FAM184A: variants seen among roughly 807,000 people sequenced by gnomAD.
The protein encoded by FAM184A is family with sequence similarity 184 member A.
FAM184A carries 99 observed loss-of-function variants against 143.8 expected under a neutral mutation model. That is an observed-to-expected ratio of 0.69 (90% CI 0.58 to 0.81). FAM184A has a LOEUF of 0.81. Among genes scored for constraint, FAM184A ranks in the 40% least tolerant of loss-of-function variants. FAM184A has a pLI of 0.00. For missense variants in FAM184A, 1,217 were observed against 1,310.5 expected, an observed-to-expected ratio of 0.93 and a Z score of 1.10; for synonymous variants, 427 against 446.4, an observed-to-expected ratio of 0.96 and a Z score of 0.55.
rs1375021501 is a variant in FAM184A at position 118,979,522 on chromosome 6, G to A, written c.2302-4C>T. ...GTTGTAAATGATTTTCAAGAGCCTA[G>A]AACAAGACAAATTCAAATTATTATG... On this transcript the variant is annotated splice_polypyrimidine_tract_variant and splice_region_variant and intron_variant, in intron 10 of 17. Coordinates refer to ENST00000338891, the MANE Select transcript of FAM184A (RefSeq NM_024581.6). The A allele has an allele frequency of 1.3e-6, 2 of 1,589,338 alleles. No homozygotes were observed. The highest frequency in any genetic ancestry group is 1.9e-5 in the Admixed American group (1 of 53,736).
At chr6:119,118,527 C>T (rs1476365969) in intron 1 of FAM184A, among the ~76,000 whole-genome samples, 1 of 152,206 alleles carries the variant, frequency 6.6e-6, no homozygotes, top group Non-Finnish European at 1.5e-5. Context: ...GTGAAGATTT[C>T]ATTGACATTT....
intron 1 of FAM184A, among the ~76,000 whole-genome samples, chr6:119,130,263 G>T (rs1286965485): frequency 6.6e-6 from 1 of 152,152 alleles, no homozygotes; most frequent in Non-Finnish European, 1.5e-5. Flanking sequence ...TGAAATTTTA[G>T]GGAGCCCCCA....
chr6:119,116,052 G>A (rs1032912747), intron 1 of FAM184A, among the ~76,000 whole-genome samples: 1 of 151,710 alleles, frequency 6.6e-6, no homozygotes, highest in African/African-American at 2.4e-5. Flanking sequence ...ACTAGAGACT[G>A]TCTTGGGGCT....
At chr6:119,041,141 C>T (rs1786312700) in intron 1 of FAM184A, among the ~76,000 whole-genome samples, 1 of 152,114 alleles carries the variant, frequency 6.6e-6, no homozygotes, top group Admixed American at 6.6e-5. Flanking sequence ...TAAGAAAAGA[C>T]ATGATCATTT....
chr6:119,030,671 TA>T (rs1477790818), intron 1 of FAM184A, among the ~76,000 whole-genome samples: 1 of 151,998 alleles, frequency 6.6e-6, no homozygotes, highest in Non-Finnish European at 1.5e-5. Flanking sequence ...ACTTCCTTAT[TA>T]GTTGTATTAT....
At chr6:119,058,417 G>C (rs968160217) in intron 1 of FAM184A, among the ~76,000 whole-genome samples, 24 of 151,766 alleles carry the variant, frequency 1.6e-4, no homozygotes, top group Admixed American at 1.2e-3. Context: ...GGGCCAGGCT[G>C]GTCTCAAACT....
At chr6:118,971,101 A>G (rs933894326) in intron 14 of FAM184A, among the ~76,000 whole-genome samples, 1 of 152,228 alleles carries the variant, frequency 6.6e-6, no homozygotes, top group Non-Finnish European at 1.5e-5. Context: ...ACTCTTAAAT[A>G]AAGGAAATAT....
At chr6:119,057,061 T>C (rs1420174094) in intron 1 of FAM184A, among the ~76,000 whole-genome samples, 2 of 152,254 alleles carry the variant, frequency 1.3e-5, no homozygotes, top group Non-Finnish European at 2.9e-5. Context: ...ATAATTCACA[T>C]GCTTAGCATT....
At chr6:119,119,931 C>T (rs546305654) in intron 1 of FAM184A, among the ~76,000 whole-genome samples, 2 of 152,286 alleles carry the variant, frequency 1.3e-5, no homozygotes, top group Non-Finnish European at 2.9e-5. Context: ...CTGCAGTGAG[C>T]CATGATTGTG....
At chr6:119,082,312 G>C (rs1415512875), upstream of FAM184A, among the ~76,000 whole-genome samples, 1 of 152,090 alleles carries the variant, frequency 6.6e-6, no homozygotes, top group Non-Finnish European at 1.5e-5. Flanking sequence ...TTCCACCCCT[G>C]TTCCCTCCCA....
At chr6:118,996,604 G>C (rs1039984788) in intron 9 of FAM184A, among the ~76,000 whole-genome samples, 28 of 152,176 alleles carry the variant, frequency 1.8e-4, no homozygotes, top group Middle Eastern at 3.4e-3. Context: ...TTCAACATAG[G>C]TTCTTGCTTT....
intron 1 of FAM184A, among the ~76,000 whole-genome samples, chr6:119,086,022 G>T (rs1437191319): frequency 6.6e-6 from 1 of 152,214 alleles, no homozygotes; most frequent in East Asian, 1.9e-4. Flanking sequence ...CTACCAGGCT[G>T]CACCTCCAAC....
At chr6:119,122,557 G>A (rs1051571268) in intron 1 of FAM184A, among the ~76,000 whole-genome samples, 4 of 152,138 alleles carry the variant, frequency 2.6e-5, no homozygotes, top group Non-Finnish European at 5.9e-5. Flanking sequence ...TGTAAAAGGA[G>A]TCATGAATAT....
At chr6:119,016,276 A>G (rs542900523) in intron 5 of FAM184A, among the ~76,000 whole-genome samples, 18 of 152,256 alleles carry the variant, frequency 1.2e-4, no homozygotes, top group Admixed American at 7.2e-4. Context: ...GCCAGCATTG[A>G]CAACCCGCTC....
Position 118,964,698 on chromosome 6 carries a change from G to A in FAM184A, c.3107C>T (p.Pro1036Leu), listed in dbSNP as rs748888206. Residue 1036 changes from proline to leucine, a missense_variant, in exon 16 of 18, where the codon CCT becomes CTT. Physicochemically the swap from Pro to Leu is moderately conservative, Grantham distance 98 (BLOSUM62 -3). Coordinates refer to ENST00000338891, the MANE Select transcript of FAM184A (RefSeq NM_024581.6). ...CAATGGATTAATAACACCAACAGTA[G>A]GACTTGAGTTAAACACTTTGTTGAA... ...TNFNKVFNSS[P>L]TVGVINPLAK... The A allele has an allele frequency of 1.9e-6, 3 of 1,606,388 alleles. No homozygotes were observed. Among genetic ancestry groups the A allele is most frequent in the Non-Finnish European group, 2.6e-6 (3 of 1,174,164 alleles).
chr6:119,019,795 T>C (rs1451168540), intron 4 of FAM184A, among the ~76,000 whole-genome samples, 183 bp downstream of exon 4: 1 of 152,230 alleles, frequency 6.6e-6, no homozygotes, highest in Non-Finnish European at 1.5e-5. Flanking sequence ...ATTTTGAACA[T>C]ACATACAGCA....
At chr6:119,019,419 T>A (rs559329590) in intron 4 of FAM184A, among the ~76,000 whole-genome samples, 1 of 152,214 alleles carries the variant, frequency 6.6e-6, no homozygotes, top group Admixed American at 6.5e-5. Context: ...GCAAAGAGAA[T>A]AGATATTTTC....
chr6:119,006,935 A>G (rs1348410824), intron 6 of FAM184A, among the ~76,000 whole-genome samples: 2 of 152,206 alleles, frequency 1.3e-5, no homozygotes, highest in Non-Finnish European at 2.9e-5. Flanking sequence ...TAAAAGAGTA[A>G]AACAAAATTT....
At chr6:119,142,614 C>T (rs1772284875) in intron 1 of FAM184A, among the ~76,000 whole-genome samples, 1 of 152,176 alleles carries the variant, frequency 6.6e-6, no homozygotes, top group African/African-American at 2.4e-5. Flanking sequence ...AGAAGACAAA[C>T]AAGCTAAATG....
Sources: allele counts gnomAD v4.1 joint callset (sites outside exome capture counted in the v4.1 genomes callset), GRCh38; gene constraint gnomAD v4.1.1; transcripts MANE v1.5; gene names NCBI Gene and HGNC (gene_info 2026-07-23, HGNC 2026-07-21).